The following KCNH1 variants were observed in gnomAD, a reference collection of about 807,000 sequenced individuals.
KCNH1 encodes the protein voltage-gated delayed rectifier potassium channel KCNH1.
KCNH1 carries 27 observed loss-of-function variants against 69.2 expected under a neutral mutation model. The ratio of observed to expected loss-of-function variants is 0.39; its 90% CI spans 0.29 to 0.54. The LOEUF (loss-of-function observed/expected upper bound fraction) is 0.54, where lower values mean the gene tolerates loss of function less well. Among genes scored for constraint, KCNH1 ranks in the 20% least tolerant of loss-of-function variants. The probability of loss-of-function intolerance (pLI) is 0.68; values close to 1 mark genes in which losing one functional copy is unlikely to be tolerated. For missense variants in KCNH1, 798 were observed against 1,261.6 expected, an observed-to-expected ratio of 0.63 and a Z score of 5.57; for synonymous variants, 456 against 487.7, an observed-to-expected ratio of 0.93 and a Z score of 0.86.
intron 7 of KCNH1, among the ~76,000 whole-genome samples, chr1:210,870,946 C>A (rs886602209): frequency 1.3e-5 from 2 of 152,258 alleles, no homozygotes; most frequent in African/African-American, 2.4e-5. Context: ...AGCTGGATAG[C>A]CCCAGACAAT....
rs551894583 is a variant in KCNH1 at position 211,068,902 on chromosome 1, T to C, written c.558+13878A>G. 1.4e-3 allele frequency among the ~76,000 whole-genome samples: 208 copies of C among 152,244 alleles called. 1 individual carries two copies. The highest frequency in any genetic ancestry group is 2.6e-3 in the Non-Finnish European group (177 of 68,016). On this transcript the variant is annotated intron_variant, in intron 5 of 10. Transcript: ENST00000271751. ...TAGGCTGTGTGGACAAGTCTGAGCA[T>C]TAAAAACTCCAGGGAGGAACCATTC...
chr1:211,047,318 T>A (rs1378400913), intron 5 of KCNH1, among the ~76,000 whole-genome samples: 1 of 152,162 alleles, frequency 6.6e-6, no homozygotes, highest in Admixed American at 6.5e-5. Flanking sequence ...GGATCAACTA[T>A]ATACATATTA....
At chr1:211,121,580 A>G (rs952831166) in intron 1 of KCNH1, among the ~76,000 whole-genome samples, 1 of 152,240 alleles carries the variant, frequency 6.6e-6, no homozygotes, top group African/African-American at 2.4e-5. Flanking sequence ...TAAAAACCCT[A>G]GAAGAAAACC....
chr1:210,865,860 C>T (rs980800094), intron 7 of KCNH1, among the ~76,000 whole-genome samples: 14 of 152,138 alleles, frequency 9.2e-5, no homozygotes, highest in Non-Finnish European at 1.8e-4. Context: ...GGGCAAAGCA[C>T]AACCAAATGA....
intron 10 of KCNH1, among the ~76,000 whole-genome samples, chr1:210,712,905 C>T (rs1281593840): frequency 6.6e-6 from 1 of 152,106 alleles, no homozygotes; most frequent in Non-Finnish European, 1.5e-5. Flanking sequence ...TGCCTTTCCC[C>T]ACCCCTAGTC....
At position 210,777,419 on chromosome 1, in the gene KCNH1, T is replaced by C. The variant is rs565094666; in HGVS notation, c.1916-1875A>G. On this transcript the variant is annotated intron_variant, in intron 9 of 10. Transcript: ENST00000271751. ...GCTTGGGGTAGCTTCCAGGCAAATATGTCTTTAAAACTGTGCTACTTAGAT... is the reference window on the plus strand; with the variant it reads ...GCTTGGGGTAGCTTCCAGGCAAATACGTCTTTAAAACTGTGCTACTTAGAT... Among the ~76,000 whole-genome samples, 24 of 152,298 alleles carry C rather than the reference T, an allele frequency of 1.6e-4. No individual in the cohort carries two copies. The South Asian group carries it at 5.0e-3, about 32-fold the overall frequency.
At chr1:211,051,456 G>A (rs1324392728) in intron 5 of KCNH1, among the ~76,000 whole-genome samples, 1 of 123,006 alleles carries the variant, frequency 8.1e-6, no homozygotes, top group Non-Finnish European at 1.8e-5. Flanking sequence ...AGGAGCAGCT[G>A]GAAAGGCCTC....
intron 7 of KCNH1, among the ~76,000 whole-genome samples, chr1:210,837,168 C>T (rs1226002944): frequency 6.6e-6 from 1 of 152,170 alleles, no homozygotes; most frequent in Non-Finnish European, 1.5e-5. Context: ...CTGTCCAGAA[C>T]ATCTTCCTAT....
chr1:211,041,958 T>C (rs1690004137), intron 5 of KCNH1, among the ~76,000 whole-genome samples: 2 of 152,170 alleles, frequency 1.3e-5, no homozygotes, highest in African/African-American at 4.8e-5. Flanking sequence ...TTTCATCATG[T>C]TGGCCAGGCT....
At chr1:210,978,232 G>A (rs1020246674) in intron 6 of KCNH1, among the ~76,000 whole-genome samples, 11 of 151,946 alleles carry the variant, frequency 7.2e-5, no homozygotes, top group African/African-American at 2.7e-4. Context: ...TAGAGACAGG[G>A]TTTCACCATG....
At chr1:210,869,836 G>A (rs1413173754) in intron 7 of KCNH1, among the ~76,000 whole-genome samples, 1 of 151,998 alleles carries the variant, frequency 6.6e-6, no homozygotes, top group Non-Finnish European at 1.5e-5. Context: ...TATTGCCTCT[G>A]GAAATATTCA....
intron 6 of KCNH1, among the ~76,000 whole-genome samples, chr1:211,012,393 G>A (rs953584046): frequency 5.3e-5 from 8 of 152,158 alleles, no homozygotes; most frequent in African/African-American, 1.9e-4. Flanking sequence ...CAGTGCTATA[G>A]AGTGATGATT....
intron 8 of KCNH1, among the ~76,000 whole-genome samples, chr1:210,803,023 T>A (rs1684461077): frequency 6.6e-6 from 1 of 152,106 alleles, no homozygotes; most frequent in Non-Finnish European, 1.5e-5. Context: ...TAAGGGCACT[T>A]ATTAAAAATG....
At chr1:210,975,694 G>C (rs559052103) in intron 6 of KCNH1, among the ~76,000 whole-genome samples, 12 of 152,260 alleles carry the variant, frequency 7.9e-5, no homozygotes, top group Non-Finnish European at 1.6e-4. Flanking sequence ...GCATAGGCAA[G>C]GACTTCACAT....
At chr1:210,822,067 C>A (rs1684940619) in intron 7 of KCNH1, among the ~76,000 whole-genome samples, 1 of 151,942 alleles carries the variant, frequency 6.6e-6, no homozygotes, top group African/African-American at 2.4e-5. Flanking sequence ...GGCACTAGCT[C>A]TCAGATGCAA....
intron 9 of KCNH1, among the ~76,000 whole-genome samples, chr1:210,781,232 G>A (rs1406966782): frequency 1.3e-5 from 2 of 152,180 alleles, no homozygotes; most frequent in Non-Finnish European, 2.9e-5. Flanking sequence ...TGTACACTGA[G>A]AGTGAGAAAC....
chr1:210,825,608 A>G (rs1244143904), intron 7 of KCNH1, among the ~76,000 whole-genome samples: 20 of 152,180 alleles, frequency 1.3e-4, no homozygotes, highest in Non-Finnish European at 1.5e-5. Context: ...GCCTGAGACC[A>G]CCATAGATCC....
intron 5 of KCNH1, among the ~76,000 whole-genome samples, chr1:211,067,543 T>C (rs1690555043): frequency 2.0e-5 from 3 of 152,194 alleles, no homozygotes; most frequent in Non-Finnish European, 4.4e-5. Context: ...TCCTACCTGT[T>C]TTCACAGGTG....
chr1:210,889,852 C>T (rs1183264005), intron 7 of KCNH1, among the ~76,000 whole-genome samples: 3 of 152,098 alleles, frequency 2.0e-5, no homozygotes, highest in African/African-American at 7.2e-5. Flanking sequence ...TGAAGGACCT[C>T]TTCAAGGAGA....
Sources: allele counts gnomAD v4.1 joint callset (sites outside exome capture counted in the v4.1 genomes callset), GRCh38; gene constraint gnomAD v4.1.1; transcripts MANE v1.5; gene names NCBI Gene and HGNC (gene_info 2026-07-23, HGNC 2026-07-21).